Variants in PREX2 observed in about 807,000 individuals in gnomAD.
The protein encoded by PREX2 is phosphatidylinositol-3,4,5-trisphosphate dependent Rac exchange factor 2, also known as phosphatidylinositol 3,4,5-trisphosphate-dependent Rac exchanger 2 protein.
PREX2 carries 107 observed loss-of-function variants against 203.2 expected under a neutral mutation model. That is an observed-to-expected ratio of 0.53 (90% CI 0.45 to 0.62). PREX2 has a LOEUF of 0.62. Ranked by LOEUF, PREX2 falls within the 20% of genes least tolerant of loss-of-function variation. The probability of loss-of-function intolerance (pLI) is 0.00; values close to 1 mark genes in which losing one functional copy is unlikely to be tolerated. For synonymous variants in PREX2, 672 were observed against 663.6 expected (o/e 1.01, Z -0.19); for missense variants, 1,777 against 1,955.9 (o/e 0.91, Z 1.72).
At chr8:68,057,982 C>G (rs1808729854) in intron 10 of PREX2, among the ~76,000 whole-genome samples, 1 of 152,222 alleles carries the variant, frequency 6.6e-6, no homozygotes, top group Non-Finnish European at 1.5e-5. Flanking sequence ...TATGAAGCTT[C>G]TCCCAGAGCA....
chr8:68,118,482 T>A, intron 26 of PREX2, 68 bp from the exon 27 acceptor site: 8 of 948,766 alleles, frequency 8.4e-6, no homozygotes, highest in Middle Eastern at 2.1e-4. Context: ...TAAGTTTATG[T>A]CATAAGAAAT....
At chr8:68,061,739 CAGCCAGTGGGG>C (rs1808862332) in intron 11 of PREX2, among the ~76,000 whole-genome samples, 1 of 152,016 alleles carries the variant, frequency 6.6e-6, no homozygotes, top group African/African-American at 2.4e-5. Flanking sequence ...CCGTGTAGGC[CAGCCAGTGGGG>C]AGTGGCCAGC....
At chr8:68,127,815 A>G (rs970582207) in intron 31 of PREX2, among the ~76,000 whole-genome samples, 5 of 152,150 alleles carry the variant, frequency 3.3e-5, no homozygotes, top group African/African-American at 1.2e-4. Flanking sequence ...CACTTTTACC[A>G]TGCACTTAGT....
In PREX2 at chr8:68,231,477, C is replaced by CTT. The variant is rs10581964; in HGVS notation, c.*116_*117dup. 0.012 allele frequency: 5,823 copies of CTT among 471,000 alleles called. 14 individuals carry two copies. Among genetic ancestry groups the CTT allele is most frequent in the East Asian group, 0.049 (1,183 of 23,950 alleles). 29.2% of individuals were successfully genotyped at this position (471,000 alleles called of 1,614,324 possible). A position where few individuals can be genotyped will look rare whatever the true frequency, so the allele number is the denominator to read the frequency against. The stretch of plus-strand genomic sequence containing the variant: ...ATTCTCCACTGAAGATACATCAATG[C>CTT]TTTTTTTTTTTTTTTTTTCTGTAAA... On this transcript the variant is annotated 3_prime_UTR_variant, in exon 40 of 40. Transcript: ENST00000288368.
intron 1 of PREX2, among the ~76,000 whole-genome samples, chr8:67,985,376 ATGACC>A (rs1806387146): frequency 6.6e-6 from 1 of 152,300 alleles, no homozygotes; most frequent in African/African-American, 2.4e-5. Flanking sequence ...TTTAATTTCA[ATGACC>A]ATATTTGTCT....
chr8:68,004,373 T>G (rs1807032557), intron 1 of PREX2, among the ~76,000 whole-genome samples: 1 of 152,228 alleles, frequency 6.6e-6, no homozygotes, highest in Admixed American at 6.5e-5. Flanking sequence ...GTTTGAATGG[T>G]GACCTTCATT....
rs1372169494 is a variant in PREX2, at chr8:67,976,425, CAGAG to C, written c.141+23898_141+23901del. ...GAGAGAGAGAGAGACAGGAGAGAGA[CAGAG>C]AGAGAGATGGGAGAGAGACAGAGAG... On this transcript the variant is annotated intron_variant, in intron 1 of 39. Transcript: ENST00000288368. Among the ~76,000 whole-genome samples, 4 of 124,462 alleles carry C rather than the reference CAGAG, an allele frequency of 3.2e-5. No individual in the cohort carries two copies. The East Asian group carries it at 1.0e-3, about 32-fold the overall frequency. 81.7% of individuals were successfully genotyped at this position (124,462 alleles called of 152,430 possible).
At chr8:68,030,962 C>G (rs1249518397) in intron 6 of PREX2, among the ~76,000 whole-genome samples, 1 of 152,042 alleles carries the variant, frequency 6.6e-6, no homozygotes, top group African/African-American at 2.4e-5. Context: ...TCAACTTTGG[C>G]CATAAGTACA....
chr8:67,995,839 A>T (rs527473221), intron 1 of PREX2, among the ~76,000 whole-genome samples: 9 of 152,258 alleles, frequency 5.9e-5, no homozygotes, highest in African/African-American at 2.2e-4. Flanking sequence ...TTTCTTGGTC[A>T]AATTCCAAGG....
chr8:68,036,585 T>A (rs879379795), intron 6 of PREX2, among the ~76,000 whole-genome samples: 2 of 150,568 alleles, frequency 1.3e-5, no homozygotes, highest in Non-Finnish European at 2.9e-5. Flanking sequence ...ATAAAGTACA[T>A]GAAATTCTGT....
intron 1 of PREX2, among the ~76,000 whole-genome samples, chr8:67,998,739 C>A (rs534046488): frequency 2.5e-4 from 38 of 152,278 alleles, no homozygotes; most frequent in African/African-American, 7.9e-4. Flanking sequence ...CATTGTTCTC[C>A]AGCCTGGGTG....
intron 26 of PREX2, among the ~76,000 whole-genome samples, 189 bp downstream of exon 26, chr8:68,116,121 C>A (rs966702245): frequency 6.6e-6 from 1 of 152,196 alleles, no homozygotes; most frequent in East Asian, 1.9e-4. Context: ...CTTCCCTTTT[C>A]TAATATGAGT....
intron 9 of PREX2, 93 bp downstream of exon 9, chr8:68,053,339 A>G: frequency 1.5e-6 from 2 of 1,338,904 alleles, no homozygotes; most frequent in East Asian, 2.3e-5. Flanking sequence ...ATGGAAAGGT[A>G]TATGATGGTC....
At chr8:68,023,919 A>T (rs1253688252) in intron 4 of PREX2, among the ~76,000 whole-genome samples, 3 of 152,078 alleles carry the variant, frequency 2.0e-5, no homozygotes, top group African/African-American at 7.2e-5. Flanking sequence ...GATAATAAAG[A>T]TGATTTTACT....
chr8:68,021,490 C>T (rs1426909904), intron 3 of PREX2, among the ~76,000 whole-genome samples: 2 of 152,164 alleles, frequency 1.3e-5, no homozygotes, highest in African/African-American at 4.8e-5. Flanking sequence ...CAGTGTCTCT[C>T]TTAAGCACAA....
At chr8:68,063,439 G>A (rs1324296322) in intron 11 of PREX2, among the ~76,000 whole-genome samples, 1 of 152,084 alleles carries the variant, frequency 6.6e-6, no homozygotes, top group Non-Finnish European at 1.5e-5. Flanking sequence ...AGGTGACCCT[G>A]GGAGCCATGC....
chr8:68,195,823 T>A (rs1486289148), intron 37 of PREX2, among the ~76,000 whole-genome samples: 1 of 152,258 alleles, frequency 6.6e-6, no homozygotes, highest in Non-Finnish European at 1.5e-5. Context: ...CTTTTCTGAT[T>A]TCACTGGACA....
At chr8:68,004,299 A>G (rs1050096987) in intron 1 of PREX2, among the ~76,000 whole-genome samples, 1 of 152,224 alleles carries the variant, frequency 6.6e-6, no homozygotes, top group Non-Finnish European at 1.5e-5. Flanking sequence ...GTTAATTTGT[A>G]TGGCTGGTGA....
At chr8:68,204,321 C>T (rs1484638825) in intron 37 of PREX2, among the ~76,000 whole-genome samples, 1 of 152,044 alleles carries the variant, frequency 6.6e-6, no homozygotes, top group Non-Finnish European at 1.5e-5. Flanking sequence ...TAGAAAGTAA[C>T]GAGGGATGTG....
Sources: gnomAD v4.1 joint callset for allele counts (sites outside exome capture counted in the v4.1 genomes callset) on GRCh38, gnomAD v4.1.1 for gene constraint, MANE v1.5 for transcripts, NCBI Gene and HGNC (gene_info 2026-07-23, HGNC 2026-07-21) for gene names.